The following ZNF385D variants were observed in gnomAD, a reference collection of about 807,000 sequenced individuals.
ZNF385D encodes zinc finger protein 385D.
Under a neutral mutation model 35.8 loss-of-function variants are expected in ZNF385D, and 15 were observed. The observed-to-expected ratio is 0.42, with a 90% CI of 0.28 to 0.64. The LOEUF (loss-of-function observed/expected upper bound fraction) is 0.64. Among genes scored for constraint, ZNF385D ranks in the 30% least tolerant of loss-of-function variants. The pLI is 0.23. For missense variants in ZNF385D, 474 were observed against 494.6 expected (o/e 0.96, Z 0.39); for synonymous variants, 212 against 186.8 (o/e 1.13, Z -1.10).
intron 2 of ZNF385D, among the ~76,000 whole-genome samples, chr3:22,250,136 T>TGG (rs1169669087): frequency 1.3e-5 from 2 of 152,156 alleles, no homozygotes; most frequent in African/African-American, 4.8e-5. Flanking sequence ...AACTTCAAGG[T>TGG]ATCTTCCCCC....
intron 3 of ZNF385D, among the ~76,000 whole-genome samples, chr3:21,938,948 A>C (rs985137213): frequency 5.9e-5 from 9 of 152,234 alleles, no homozygotes; most frequent in African/African-American, 2.2e-4. Context: ...CACTGAACTG[A>C]ACTGTGAAGT....
intron 2 of ZNF385D, among the ~76,000 whole-genome samples, chr3:21,575,354 T>C (rs1339512103): frequency 1.3e-5 from 2 of 152,126 alleles, no homozygotes; most frequent in East Asian, 3.9e-4. Flanking sequence ...GCAAAAGATA[T>C]ACACAAGTTC....
At position 21,985,508 on chromosome 3, in the gene ZNF385D, G is replaced by A. The variant is rs1471682084; in HGVS notation, c.325+183309C>T. 3.5e-5 allele frequency among the ~76,000 whole-genome samples: 4 copies of A among 114,920 alleles called. 1 individual carries two copies. Among genetic ancestry groups the A allele is most frequent in the Non-Finnish European group, 7.2e-5 (4 of 55,796 alleles). The allele number at this position is 114,920 out of a possible 152,430, so 75.4% of individuals were successfully genotyped here. ...ATATTGAACCAGCCTTGCATCCCAG[G>A]GATGAAGCCCACTTGATCATGGTGG... On this transcript the variant is annotated intron_variant, in intron 3 of 5. Coordinates refer to the ZNF385D transcript ENST00000494108.
intron 3 of ZNF385D, among the ~76,000 whole-genome samples, chr3:22,028,953 T>A (rs573944488): frequency 6.6e-6 from 1 of 152,234 alleles, no homozygotes; most frequent in East Asian, 1.9e-4. Context: ...GTTTCTCCCA[T>A]AGCCATGATT....
chr3:21,816,772 T>C (rs938976094), intron 3 of ZNF385D, among the ~76,000 whole-genome samples: 5 of 152,186 alleles, frequency 3.3e-5, no homozygotes, highest in African/African-American at 7.2e-5. Flanking sequence ...AGGTAATTTA[T>C]AGATTCAATG....
intron 3 of ZNF385D, among the ~76,000 whole-genome samples, chr3:21,861,078 T>C (rs940983275): frequency 1.6e-4 from 25 of 152,108 alleles, no homozygotes; most frequent in Non-Finnish European, 5.9e-5. Context: ...CGTTATCCAC[T>C]CAAGGTCAAA....
chr3:21,810,687 A>G (rs1165817763), intron 3 of ZNF385D, among the ~76,000 whole-genome samples: 2 of 152,032 alleles, frequency 1.3e-5, no homozygotes, highest in African/African-American at 4.8e-5. Context: ...ACCTTGTTTT[A>G]AAGTTTGATT....
At chr3:22,168,676 T>A in intron 3 of ZNF385D, 1 of 380,266 alleles carries the variant, frequency 2.6e-6, no homozygotes, top group Non-Finnish European at 3.6e-6. Flanking sequence ...TGTATTTTAA[T>A]GTACTCTGCT....
chr3:21,807,455 G>T (rs540586565), intron 3 of ZNF385D, among the ~76,000 whole-genome samples: 15 of 152,182 alleles, frequency 9.9e-5, no homozygotes, highest in African/African-American at 2.6e-4. Flanking sequence ...GACTCGCCAA[G>T]TTTAAAAGTA....
chr3:22,019,034 C>CTTTTTTTTTTTTTTT lies in ZNF385D; in HGVS notation c.325+149768_325+149782dup, dbSNP rs11380195. On this transcript the variant is annotated intron_variant, in intron 3 of 5. Coordinates refer to the ZNF385D transcript ENST00000494108. ...CAGTTTCATGGATAGAGTTATTTACCTTTTTTTTTTTTTTTTTTTTTTTTT... is the reference window on the plus strand; with the variant it reads ...CAGTTTCATGGATAGAGTTATTTACCTTTTTTTTTTTTTTTTTTTTTTTTTTTTTTTTTTTTTTTT... 3.1e-4 allele frequency among the ~76,000 whole-genome samples: 20 copies of CTTTTTTTTTTTTTTT among 64,466 alleles called. 3 individuals carry two copies. Among genetic ancestry groups the CTTTTTTTTTTTTTTT allele is most frequent in the African/African-American group, 6.0e-4 (8 of 13,370 alleles). 42.3% of individuals were successfully genotyped at this position (64,466 alleles called of 152,430 possible). A position where few individuals can be genotyped will look rare whatever the true frequency, so the allele number is the denominator to read the frequency against.
intron 2 of ZNF385D, among the ~76,000 whole-genome samples, chr3:21,575,083 T>C (rs2063456100): frequency 6.6e-6 from 1 of 152,226 alleles, no homozygotes; most frequent in Non-Finnish European, 1.5e-5. Context: ...GGATTTCTGT[T>C]ATAAAATTTA....
At chr3:21,684,902 T>C (rs73138847) in intron 1 of ZNF385D, among the ~76,000 whole-genome samples, 33 of 152,294 alleles carry the variant, frequency 2.2e-4, no homozygotes, top group African/African-American at 7.5e-4. Flanking sequence ...CTTAGGAAAA[T>C]AGATGACAGG....
chr3:22,131,085 A>G (rs550451246), intron 3 of ZNF385D, among the ~76,000 whole-genome samples: 10 of 152,212 alleles, frequency 6.6e-5, no homozygotes, highest in African/African-American at 9.6e-5. Context: ...ACAAAATAAC[A>G]GTTAAATTCA....
chr3:21,775,796 T>C (rs992124892), intron 3 of ZNF385D, among the ~76,000 whole-genome samples: 43 of 152,008 alleles, frequency 2.8e-4, no homozygotes, highest in African/African-American at 8.2e-4. Flanking sequence ...GTCTGAGCTA[T>C]AGTTAGTACA....
chr3:22,217,826 C>T (rs77580264), intron 2 of ZNF385D, among the ~76,000 whole-genome samples: 11 of 151,964 alleles, frequency 7.2e-5, no homozygotes, highest in Admixed American at 7.2e-4. Context: ...ATGATTTTAC[C>T]TGTACAATAT....
intron 2 of ZNF385D, among the ~76,000 whole-genome samples, chr3:21,657,852 A>G (rs1032003871): frequency 1.3e-5 from 2 of 151,992 alleles, no homozygotes; most frequent in Non-Finnish European, 2.9e-5. Flanking sequence ...CACTGTTTCT[A>G]TCACTGGCTG....
At chr3:21,864,478 C>T (rs1335668769) in intron 3 of ZNF385D, among the ~76,000 whole-genome samples, 1 of 152,046 alleles carries the variant, frequency 6.6e-6, no homozygotes, top group Non-Finnish European at 1.5e-5. Context: ...TCACTATGAA[C>T]CTCAGTTTCT....
chr3:21,810,555 T>C (rs2072872345), intron 3 of ZNF385D, among the ~76,000 whole-genome samples: 1 of 152,094 alleles, frequency 6.6e-6, no homozygotes, highest in Non-Finnish European at 1.5e-5. Context: ...TATGTATGTA[T>C]GTATATGTTT....
intron 3 of ZNF385D, among the ~76,000 whole-genome samples, chr3:21,975,741 A>ATATGTGTG (rs1305990187): frequency 3.7e-5 from 3 of 81,558 alleles, no homozygotes; most frequent in Non-Finnish European, 6.5e-5. Flanking sequence ...ATATATATAT[A>ATATGTGTG]TATATATATA....
Sources: allele counts gnomAD v4.1 joint callset (sites outside exome capture counted in the v4.1 genomes callset), GRCh38; gene constraint gnomAD v4.1.1; transcripts MANE v1.5; gene names NCBI Gene and HGNC (gene_info 2026-07-23, HGNC 2026-07-21).